ZBTB40: variants seen among roughly 807,000 people sequenced by gnomAD.
ZBTB40 encodes zinc finger and BTB domain containing 40.
A neutral mutation model predicts 117.5 loss-of-function variants in ZBTB40; 60 were observed. The observed-to-expected ratio is 0.51, with a 90% confidence interval of 0.41 to 0.63. The LOEUF is 0.63. Among genes scored for constraint, ZBTB40 ranks in the 30% least tolerant of loss-of-function variants. ZBTB40 has a pLI of 0.00. For synonymous variants in ZBTB40, 525 were observed against 577.1 expected (o/e 0.91, Z 1.29); for missense variants, 1,287 against 1,498.5 (o/e 0.86, Z 2.33).
At chr1:22,455,435 C>T (rs1640982314) in intron 1 of ZBTB40, among the ~76,000 whole-genome samples, 1 of 152,178 alleles carries the variant, frequency 6.6e-6, no homozygotes, top group South Asian at 2.1e-4. Context: ...GCAGGTTTCG[C>T]TTTAAACTCT....
At chr1:22,462,062 A>G (rs1641145738) in intron 1 of ZBTB40, among the ~76,000 whole-genome samples, 2 of 152,250 alleles carry the variant, frequency 1.3e-5, no homozygotes, top group African/African-American at 4.8e-5. Context: ...ACCTGCACAG[A>G]ATAAGTAGGC....
chr1:22,510,351 A>G (rs569721651), intron 9 of ZBTB40, among the ~76,000 whole-genome samples: 1 of 151,978 alleles, frequency 6.6e-6, no homozygotes, highest in South Asian at 2.1e-4. Context: ...CAGAGGAAAG[A>G]CTCATCTGTT....
At chr1:22,509,814 A>C (rs1569866902) in intron 9 of ZBTB40, among the ~76,000 whole-genome samples, 1 of 152,192 alleles carries the variant, frequency 6.6e-6, no homozygotes, top group Non-Finnish European at 1.5e-5. Context: ...CAGGGAGGAG[A>C]TGATGTCAGG....
intron 3 of ZBTB40, among the ~76,000 whole-genome samples, chr1:22,496,495 C>T (rs1245221530): frequency 6.6e-6 from 1 of 152,194 alleles, no homozygotes; most frequent in Non-Finnish European, 1.5e-5. Context: ...CAAGGAACAC[C>T]AGACCAGCTG....
intron 1 of ZBTB40, among the ~76,000 whole-genome samples, chr1:22,488,924 C>A (rs1277933758): frequency 2.0e-5 from 3 of 151,896 alleles, no homozygotes; most frequent in Admixed American, 6.6e-5. Context: ...AGGAAATTAG[C>A]GGTTGGATTT....
At chr1:22,524,585 C>T in intron 17 of ZBTB40, 141 bp downstream of exon 17, 1 of 1,015,652 alleles carries the variant, frequency 9.8e-7, no homozygotes, top group South Asian at 1.5e-5. Context: ...CAAAACAGAA[C>T]AGAAAATTCT....
chr1:22,452,369 C>T (rs531245746), intron 1 of ZBTB40, among the ~76,000 whole-genome samples: 16 of 152,362 alleles, frequency 1.1e-4, no homozygotes, highest in Admixed American at 2.0e-4. Flanking sequence ...CGGGCGTCAG[C>T]GGACTATGGC....
chr1:22,446,404 G>A (rs1640790711), intron 1 of ZBTB40, among the ~76,000 whole-genome samples: 2 of 151,960 alleles, frequency 1.3e-5, no homozygotes, highest in Non-Finnish European at 2.9e-5. Flanking sequence ...TCGAACCACA[G>A]ATCACAGAAG....
At chr1:22,523,812 G>A (rs539893123) in intron 16 of ZBTB40, among the ~76,000 whole-genome samples, 21 of 152,312 alleles carry the variant, frequency 1.4e-4, no homozygotes, top group African/African-American at 5.1e-4. Context: ...GCACCTGACT[G>A]CCTTAGCCCA....
upstream of ZBTB40, among the ~76,000 whole-genome samples, chr1:22,449,386 C>T (rs1398736120): frequency 6.6e-6 from 1 of 152,138 alleles, no homozygotes; most frequent in African/African-American, 2.4e-5. Context: ...GAGATGAGGC[C>T]CTTACAAGGT....
At chr1:22,432,403 C>T (rs1354018332) in intron 1 of ZBTB40, among the ~76,000 whole-genome samples, 1 of 152,208 alleles carries the variant, frequency 6.6e-6, no homozygotes, top group African/African-American at 2.4e-5. Flanking sequence ...CAGCTACTCC[C>T]AACATCTGCT....
chr1:22,511,453 C>T (rs560012673), intron 10 of ZBTB40, 106 bp downstream of exon 10: 216 of 1,461,148 alleles, frequency 1.5e-4, no homozygotes, highest in Middle Eastern at 7.2e-4. Context: ...CCTTAAGTTA[C>T]GTATTCATTT....
At chr1:22,475,078 T>G (rs1641523522) in intron 1 of ZBTB40, among the ~76,000 whole-genome samples, 1 of 152,140 alleles carries the variant, frequency 6.6e-6, no homozygotes, top group African/African-American at 2.4e-5. Context: ...GATCAAGAAT[T>G]AGAATGACTT....
chr1:22,524,555 G>T lies in ZBTB40; in HGVS notation c.3525+111G>T, dbSNP rs1639626160. On this transcript the variant is annotated intron_variant, in intron 17 of 17. Transcript: ENST00000375647. ...AGATACTCTTTGGGGATCTTGTAGA[G>T]AGTCTCTCTGGACTTCTTACAAAAC... 3.2e-6 allele frequency: 4 copies of T among 1,236,704 alleles called. No individual in the cohort carries two copies. The Admixed American group carries it at 8.1e-5, about 25-fold the overall frequency. 76.6% of individuals were successfully genotyped at this position (1,236,704 alleles called of 1,614,324 possible).
At chr1:22,476,235 G>A (rs1267000) in intron 1 of ZBTB40, among the ~76,000 whole-genome samples, 3 of 151,996 alleles carry the variant, frequency 2.0e-5, no homozygotes, top group Non-Finnish European at 4.4e-5. Flanking sequence ...GATCCTCAAA[G>A]TTTCTTTTGA....
At chr1:22,511,601 A>C in intron 10 of ZBTB40, 75 bp from the exon 11 acceptor site, 1 of 1,499,424 alleles carries the variant, frequency 6.7e-7, no homozygotes, top group Non-Finnish European at 9.1e-7. Flanking sequence ...CTCCTGTAAG[A>C]AGTGTGTTAG....
At chr1:22,457,485 A>T (rs1338503020) in intron 1 of ZBTB40, among the ~76,000 whole-genome samples, 2 of 152,210 alleles carry the variant, frequency 1.3e-5, no homozygotes, top group African/African-American at 4.8e-5. Flanking sequence ...CCATTTAAGC[A>T]TTAGAGATTT....
intron 13 of ZBTB40, chr1:22,519,608 G>A (rs544386104): frequency 8.2e-6 from 2 of 245,296 alleles, no homozygotes; most frequent in South Asian, 1.1e-4. Context: ...ATCTAAAGTG[G>A]GGAGAAAGGA....
chr1:22,460,676 G>A (rs908425671), intron 1 of ZBTB40, among the ~76,000 whole-genome samples: 3 of 152,146 alleles, frequency 2.0e-5, no homozygotes, highest in Non-Finnish European at 2.9e-5. Flanking sequence ...GAAAGGTTAA[G>A]TAACTCAAGG....
Sources: allele counts gnomAD v4.1 joint callset (sites outside exome capture counted in the v4.1 genomes callset), GRCh38; gene constraint gnomAD v4.1.1; transcripts MANE v1.5; gene names NCBI Gene and HGNC (gene_info 2026-07-23, HGNC 2026-07-21).